IQCE: variants seen among roughly 807,000 people sequenced by gnomAD.
IQCE encodes IQ domain-containing protein E.
Under a neutral mutation model 96.0 loss-of-function variants are expected in IQCE, and 115 were observed. The ratio of observed to expected loss-of-function variants is 1.20; its 90% CI spans 1.03 to 1.40. The LOEUF (loss-of-function observed/expected upper bound fraction) is 1.40. IQCE is among the 40% of genes most tolerant of loss of function. The pLI is 0.00. For missense variants in IQCE, 1,041 were observed against 909.1 expected (o/e 1.15, Z -1.87); for synonymous variants, 412 against 371.2 (o/e 1.11, Z -1.26).
chr7:2,586,418 GGAA>G (rs1783119610), intron 12 of IQCE, 47 bp downstream of exon 12: 2 of 1,554,162 alleles, frequency 1.3e-6, no homozygotes, highest in Non-Finnish European at 1.8e-6. Flanking sequence ...GGAATGGCAG[GGAA>G]TGGCAGGGCA....
intron 6 of IQCE, among the ~76,000 whole-genome samples, chr7:2,575,875 C>G (rs895254722): frequency 4.6e-5 from 7 of 152,212 alleles, no homozygotes; most frequent in African/African-American, 1.7e-4. Context: ...CCGCCTCCTT[C>G]TCCACCTTTC....
Position 2,609,810 on chromosome 7 carries a change from G to A in IQCE, c.1970-234G>A, listed in dbSNP as rs1785029059. Among the ~76,000 whole-genome samples, 3 of 151,860 alleles carry A rather than the reference G, an allele frequency of 2.0e-5. No homozygotes were observed. In the South Asian group the frequency reaches 6.2e-4, roughly 32 times the overall value. ...GGCAGGTGTGTAAGTTGGTCCTGAG[G>A]CTGGAGAGTGAGGCTTTCTGGCAGG... is the stretch of plus-strand genomic sequence containing the variant. On this transcript the variant is annotated intron_variant, in intron 21 of 21. Transcript: ENST00000402050.
At chr7:2,575,660 C>A (rs539772390) in intron 6 of IQCE, among the ~76,000 whole-genome samples, 1 of 152,316 alleles carries the variant, frequency 6.6e-6, no homozygotes, top group Admixed American at 6.5e-5. Flanking sequence ...AGAGCGGTTC[C>A]TGCCTGTCGG....
intron 8 of IQCE, among the ~76,000 whole-genome samples, chr7:2,579,633 T>C (rs113835761): frequency 0.011 from 1,627 of 152,264 alleles, 18 homozygotes; most frequent in Middle Eastern, 0.02. Context: ...AAGTAAATCC[T>C]TAACAAATGC....
intron 15 of IQCE, among the ~76,000 whole-genome samples, chr7:2,593,861 C>T (rs770294864): frequency 2.0e-5 from 3 of 152,154 alleles, no homozygotes; most frequent in Non-Finnish European, 2.9e-5. Context: ...ATAGTGAATT[C>T]TATGTGATGA....
chr7:2,614,256 T>C lies in IQCE; in HGVS notation c.*4094T>C, dbSNP rs1785212081. ...GAAAGCACCGATAACCTTCAAGATCTGAATGAGATTCTATTATAACCCGTC... is the reference window on the plus strand; with the variant it reads ...GAAAGCACCGATAACCTTCAAGATCCGAATGAGATTCTATTATAACCCGTC... On this transcript the variant is annotated 3_prime_UTR_variant, in exon 22 of 22. Transcript: ENST00000402050. The C allele has an allele frequency of 6.6e-6, 1 of 152,264 alleles. No homozygotes were observed. Among genetic ancestry groups the C allele is most frequent in the Non-Finnish European group, 1.5e-5 (1 of 68,046 alleles). 9.4% of individuals were successfully genotyped at this position (152,264 alleles called of 1,614,324 possible). A position where few individuals can be genotyped will look rare whatever the true frequency, so the allele number is the denominator to read the frequency against.
chr7:2,598,822 T>C (rs1340623178), intron 17 of IQCE, 190 bp downstream of exon 17: 1 of 434,386 alleles, frequency 2.3e-6, no homozygotes, highest in Non-Finnish European at 4.0e-6. Flanking sequence ...TTTTGTGCAG[T>C]AGTGGATAAC....
At chr7:2,583,607 TC>T in intron 9 of IQCE, 29 bp from the exon 10 acceptor site, 1 of 1,555,194 alleles carries the variant, frequency 6.4e-7, no homozygotes, top group African/African-American at 1.4e-5. Context: ...CGCTGGCACA[TC>T]CCTATTAACG....
chr7:2,572,716 TC>T (rs1446126552), intron 5 of IQCE: 3 of 460,606 alleles, frequency 6.5e-6, no homozygotes, highest in African/African-American at 4.0e-5. Context: ...CTGCCTAGTC[TC>T]TTTTTTTTTA....
chr7:2,566,403 GC>G (rs1197599519), intron 1 of IQCE, among the ~76,000 whole-genome samples: 2 of 150,460 alleles, frequency 1.3e-5, no homozygotes, highest in Non-Finnish European at 2.9e-5. Flanking sequence ...ACCTTTATAG[GC>G]CCAAATGCCT....
chr7:2,584,166 T>C (rs2128451882), intron 10 of IQCE, 70 bp from the exon 11 acceptor site: 2 of 1,355,416 alleles, frequency 1.5e-6, no homozygotes, highest in Admixed American at 3.4e-5. Flanking sequence ...ACTGTGATGT[T>C]GGTCTTTTCA....
intron 8 of IQCE, 30 bp from the exon 9 acceptor site, chr7:2,582,550 G>T (rs920367643): frequency 2.5e-6 from 4 of 1,606,236 alleles, no homozygotes; most frequent in Non-Finnish European, 3.4e-6. Context: ...AGAGGGCGTG[G>T]CCTGCCTGAT....
At chr7:2,606,584 A>G (rs933219581) in intron 20 of IQCE, among the ~76,000 whole-genome samples, 7 of 152,032 alleles carry the variant, frequency 4.6e-5, no homozygotes, top group Non-Finnish European at 1.0e-4. Context: ...TTCCCCTCTT[A>G]TCACAGACTG....
At position 2,587,919 on chromosome 7, in the gene IQCE, G is replaced by A. The variant is rs1389480322; in HGVS notation, c.1044+42G>A. 7 of 1,585,422 alleles carry A rather than the reference G, an allele frequency of 4.4e-6. No homozygotes were observed. In the East Asian group the frequency reaches 8.9e-5, roughly 20 times the overall value. ...GTGCCACTGTCGTTGGGGACCAGGG[G>A]CCTCATGCTGTGGGGACGGGCTCAC... On this transcript the variant is annotated intron_variant, in intron 13 of 21. Transcript: ENST00000402050.
chr7:2,602,312 G>C (rs1784488155), intron 18 of IQCE, among the ~76,000 whole-genome samples: 1 of 152,264 alleles, frequency 6.6e-6, no homozygotes, highest in Non-Finnish European at 1.5e-5. Context: ...AGAACTGACA[G>C]ATTGATGAAC....
chr7:2,587,259 G>T lies in IQCE; in HGVS notation c.989-563G>T, dbSNP rs557002230. On this transcript the variant is annotated intron_variant, in intron 12 of 21. Transcript: ENST00000402050. The stretch of plus-strand genomic sequence containing the variant: ...CCACGGGAGGTCTGAGTGTGTGGGA[G>T]TGGGGGCCAGGCAGTGGCTGTGTGG... Among the ~76,000 whole-genome samples the T allele has an allele frequency of 2.6e-5, 4 of 152,142 alleles. No homozygotes were observed. In the South Asian group the frequency reaches 6.2e-4, roughly 24 times the overall value.
In IQCE at chr7:2,614,020, A is replaced by G. The variant is rs887447254; in HGVS notation, c.*3858A>G. 1.3e-5 allele frequency: 2 copies of G among 152,258 alleles called. No homozygotes were observed. Among genetic ancestry groups the G allele is most frequent in the Admixed American group, 1.3e-4 (2 of 15,288 alleles). The allele number at this position is 152,258 out of a possible 1,614,324, so 9.4% of individuals were successfully genotyped here. A position where few individuals can be genotyped will look rare whatever the true frequency, so the allele number is the denominator to read the frequency against. ...AAAATAGCCAAACGACGCTGGTCGC[A>G]TGCGCTGGCTGTGGTCTGTCTGCTG... On this transcript the variant is annotated 3_prime_UTR_variant, in exon 22 of 22. Transcript: ENST00000402050.
chr7:2,595,015 G>T (rs767097630), intron 16 of IQCE, 39 bp downstream of exon 16: 1 of 1,432,106 alleles, frequency 7.0e-7, no homozygotes, highest in Non-Finnish European at 9.9e-7. Flanking sequence ...GTCAGGTGCG[G>T]TGAGACTTTG....
chr7:2,598,939 A>C (rs1433869261), intron 17 of IQCE, among the ~76,000 whole-genome samples: 1 of 152,162 alleles, frequency 6.6e-6, no homozygotes, highest in Admixed American at 6.5e-5. Flanking sequence ...GTCTTCTCCT[A>C]CCTGACCACA....
Sources: allele counts gnomAD v4.1 joint callset (sites outside exome capture counted in the v4.1 genomes callset), GRCh38; gene constraint gnomAD v4.1.1; transcripts MANE v1.5; gene names NCBI Gene and HGNC (gene_info 2026-07-23, HGNC 2026-07-21).